Variants in EDNRA observed in about 807,000 individuals in gnomAD.
EDNRA encodes endothelin-1 receptor.
A neutral mutation model predicts 41.4 loss-of-function variants in EDNRA; 11 were observed. The ratio of observed to expected loss-of-function variants is 0.27; its 90% CI spans 0.17 to 0.44. EDNRA has a LOEUF of 0.44. Among genes scored for constraint, EDNRA ranks in the 20% least tolerant of loss-of-function variants. The pLI, the probability that EDNRA is intolerant of heterozygous loss-of-function variation, is 1.00. For synonymous variants in EDNRA, 172 were observed against 183.0 expected, an observed-to-expected ratio of 0.94 and a Z score of 0.49; for missense variants, 294 against 531.0, an observed-to-expected ratio of 0.55 and a Z score of 4.39.
chr4:147,530,064 G>A (rs1031659921), intron 3 of EDNRA, among the ~76,000 whole-genome samples: 3 of 152,296 alleles, frequency 2.0e-5, no homozygotes, highest in East Asian at 1.9e-4. Context: ...GATTATGGAT[G>A]TGTAATATTC....
In EDNRA at chr4:147,542,549, C is replaced by T. The variant is rs1731142464; in HGVS notation, c.1215C>T (p.Ile405=). ...MTSVPMNGTS[I]QWKNHDQNNH... ...CGGTCCCCATGAACGGAACAAGCATCCAGTGGAAGAACCACGATCAAAACA... is the reference window on the plus strand; with the variant it reads ...CGGTCCCCATGAACGGAACAAGCATTCAGTGGAAGAACCACGATCAAAACA... The change falls in exon 8 of 8, where the codon ATC becomes ATT. Residue 405 remains isoleucine, a synonymous_variant. Coordinates refer to ENST00000651419, the MANE Select transcript of EDNRA (RefSeq NM_001957.4). 1 of 1,614,138 alleles carries T rather than the reference C, an allele frequency of 6.2e-7. No individual in the cohort carries two copies. Among genetic ancestry groups the T allele is most frequent in the Non-Finnish European group, 8.5e-7 (1 of 1,180,018 alleles).
Position 147,542,749 on chromosome 4 carries a change from C to T in EDNRA, c.*131C>T, listed in dbSNP as rs201337276. On this transcript the variant is annotated 3_prime_UTR_variant, in exon 8 of 8. Transcript: ENST00000651419. The stretch of plus-strand genomic sequence containing the variant: ...TCACTCCCACACCCAAGAAGAAATG[C>T]TTTCCAAAACCGCAAGGGTAGACTG... The T allele has an allele frequency of 8.1e-7, 1 of 1,228,506 alleles. No homozygotes were observed. The highest frequency in any genetic ancestry group is 1.5e-5 in the African/African-American group (1 of 66,012). 76.1% of individuals were successfully genotyped at this position (1,228,506 alleles called of 1,614,324 possible).
At chr4:147,504,976 A>AAAAAAAAAAAAAAAG (rs1360457648) in intron 2 of EDNRA, among the ~76,000 whole-genome samples, 1 of 149,142 alleles carries the variant, frequency 6.7e-6, no homozygotes, top group Non-Finnish European at 1.5e-5. Context: ...AAAAAAAAAA[A>AAAAAAAAAAAAAAAG]AGGATTCATA....
chr4:147,501,212 AG>A (rs1485476500), intron 2 of EDNRA, among the ~76,000 whole-genome samples: 1 of 152,232 alleles, frequency 6.6e-6, no homozygotes, highest in Non-Finnish European at 1.5e-5. Flanking sequence ...AGTGGAGAAA[AG>A]TAAGTGCCTG....
chr4:147,543,278 T>C lies in EDNRA; in HGVS notation c.*660T>C, dbSNP rs182770886. On this transcript the variant is annotated 3_prime_UTR_variant, in exon 8 of 8. Transcript: ENST00000651419. ...ACACAAATTCTAAAGCTACAACAAATACTACAGGCCCTTAAAGCACAGTCT... is the reference window on the plus strand; with the variant it reads ...ACACAAATTCTAAAGCTACAACAAACACTACAGGCCCTTAAAGCACAGTCT... The C allele has an allele frequency of 6.6e-6, 1 of 152,322 alleles. No homozygotes were observed. Among genetic ancestry groups the C allele is most frequent in the East Asian group, 1.9e-4 (1 of 5,192 alleles). The allele number at this position is 152,322 out of a possible 1,614,324, so 9.4% of individuals were successfully genotyped here.
intron 2 of EDNRA, chr4:147,495,093 C>G (rs1004778737): frequency 6.6e-6 from 1 of 151,908 alleles, no homozygotes; most frequent in Admixed American, 6.6e-5. Context: ...GTCGTATGAC[C>G]CTCCCAACAA....
chr4:147,500,726 G>A (rs1459507207), intron 2 of EDNRA, among the ~76,000 whole-genome samples: 1 of 149,178 alleles, frequency 6.7e-6, no homozygotes, highest in Non-Finnish European at 1.5e-5. Flanking sequence ...GGACAGGGGA[G>A]CTACAGGGGA....
intron 1 of EDNRA, among the ~76,000 whole-genome samples, chr4:147,483,210 T>C (rs1454289498): frequency 6.6e-6 from 1 of 152,226 alleles, no homozygotes; most frequent in Non-Finnish European, 1.5e-5. Context: ...AAACTGTTTA[T>C]AATTAAGTCT....
chr4:147,510,221 T>C (rs1729872162), intron 2 of EDNRA, among the ~76,000 whole-genome samples: 1 of 152,106 alleles, frequency 6.6e-6, no homozygotes, highest in South Asian at 2.1e-4. Context: ...GGTCCTAATC[T>C]CAAGAAAATG....
At chr4:147,539,057 G>A (rs183552899) in intron 5 of EDNRA, among the ~76,000 whole-genome samples, 1 of 152,158 alleles carries the variant, frequency 6.6e-6, no homozygotes, top group African/African-American at 2.4e-5. Flanking sequence ...TGAAAGGCAT[G>A]CAAACCTTCC....
chr4:147,497,439 A>G lies in EDNRA; in HGVS notation c.420+11338A>G, dbSNP rs368677316. Among the ~76,000 whole-genome samples the G allele has an allele frequency of 1.2e-3, 180 of 152,300 alleles. 2 individuals are homozygous for G. Among genetic ancestry groups the G allele is most frequent in the African/African-American group, 4.0e-3 (165 of 41,564 alleles). On this transcript the variant is annotated intron_variant, in intron 2 of 7. Coordinates refer to ENST00000651419, the MANE Select transcript of EDNRA (RefSeq NM_001957.4). ...TCCCAGATCAACTCACACATTGACT[A>G]AGTACCTGTAGAAAACACAGAGGAA...
chr4:147,536,235 G>A (rs760206100), intron 5 of EDNRA, among the ~76,000 whole-genome samples: 6 of 152,118 alleles, frequency 3.9e-5, no homozygotes, highest in Non-Finnish European at 7.4e-5. Context: ...CCTGAAGGCT[G>A]GGCCCAAATA....
chr4:147,509,901 T>C (rs993883330), intron 2 of EDNRA, among the ~76,000 whole-genome samples: 1 of 152,092 alleles, frequency 6.6e-6, no homozygotes, highest in African/African-American at 2.4e-5. Context: ...ACAATAAATG[T>C]AATATGCTTG....
chr4:147,500,261 T>C (rs902463066), intron 2 of EDNRA, among the ~76,000 whole-genome samples: 2 of 152,220 alleles, frequency 1.3e-5, no homozygotes, highest in Non-Finnish European at 2.9e-5. Flanking sequence ...TCAGGGACTA[T>C]TTCTTTAATA....
chr4:147,535,880 TAC>T lies in EDNRA; in HGVS notation c.752_753del (p.Tyr251SerfsTer30), dbSNP rs763232122. ...TTTTTTTTTTTTCACTTTGAAGTTC[TAC>T]CAAGATGTAAAGGACTGGTGGCTCT... The part of the protein sequence containing the change: ...LNATSKFMEF[Y>X]QDVKDWWLFG... On this transcript the variant is annotated frameshift_variant, in exon 5 of 8. Transcript: ENST00000651419. LOFTEE classifies it high-confidence loss of function. 6.2e-7 allele frequency: 1 copy of T among 1,612,292 alleles called. No homozygotes were observed. Among genetic ancestry groups the T allele is most frequent in the Non-Finnish European group, 8.5e-7 (1 of 1,179,316 alleles).
chr4:147,538,784 T>C (rs913468996), intron 5 of EDNRA, among the ~76,000 whole-genome samples: 8 of 152,216 alleles, frequency 5.3e-5, no homozygotes, highest in African/African-American at 9.6e-5. Context: ...CAGAATATTT[T>C]GAATGGCTCA....
chr4:147,495,785 T>C (rs1429031665), intron 2 of EDNRA: 2 of 152,210 alleles, frequency 1.3e-5, no homozygotes, highest in Non-Finnish European at 2.9e-5. Context: ...ACATCAGGCT[T>C]GACTGATAAA....
At chr4:147,525,164 T>G (rs1296377388) in intron 3 of EDNRA, among the ~76,000 whole-genome samples, 1 of 152,222 alleles carries the variant, frequency 6.6e-6, no homozygotes, top group Non-Finnish European at 1.5e-5. Flanking sequence ...CGTCAATCAA[T>G]GATTACAGAA....
rs2126447165 is a variant in EDNRA, at chr4:147,519,031, A to G, written c.421-820A>G. On this transcript the variant is annotated intron_variant, in intron 2 of 7. Coordinates refer to ENST00000651419, the MANE Select transcript of EDNRA (RefSeq NM_001957.4). This position sits in a 1 kb window ranked among gnomAD's most constrained non-coding sequence, Gnocchi z 4.1. ...CCAGCACAGCCACTAGAGGGTGTCC[A>G]CTCTTGCCTTGCAAACAAGGTTGGA... is the stretch of plus-strand genomic sequence containing the variant. Among the ~76,000 whole-genome samples the G allele has an allele frequency of 6.6e-6, 1 of 152,262 alleles. No individual in the cohort carries two copies. The highest frequency in any genetic ancestry group is 1.9e-4 in the East Asian group (1 of 5,182).
Sources: allele counts gnomAD v4.1 joint callset (sites outside exome capture counted in the v4.1 genomes callset), GRCh38; gene constraint gnomAD v4.1.1; non-coding constraint Gnocchi (gnomAD v3.1); transcripts MANE v1.5; gene names NCBI Gene and HGNC (gene_info 2026-07-23, HGNC 2026-07-21).